Variants in PDE4C observed in about 807,000 individuals in gnomAD.
PDE4C encodes the protein 3',5'-cyclic-AMP phosphodiesterase 4C.
PDE4C carries 50 observed loss-of-function variants against 63.9 expected under a neutral mutation model. The observed-to-expected ratio is 0.78, with a 90% CI of 0.62 to 0.99. PDE4C has a LOEUF of 0.99. Ranked by LOEUF, PDE4C falls within the 50% of genes least tolerant of loss-of-function variation. The probability of loss-of-function intolerance (pLI) is 0.00; values close to 1 mark genes in which losing one functional copy is unlikely to be tolerated. For missense variants in PDE4C, 777 were observed against 899.1 expected (o/e 0.86, Z 1.74); for synonymous variants, 377 against 385.1 (o/e 0.98, Z 0.25).
intron 12 of PDE4C, among the ~76,000 whole-genome samples, chr19:18,215,516 G>A (rs1371795859): frequency 2.6e-5 from 4 of 151,640 alleles, no homozygotes; most frequent in African/African-American, 7.3e-5. Context: ...ATGGATAGAT[G>A]TGTATAATTT....
At chr19:18,244,356 G>A (rs1016652693) in intron 1 of PDE4C, among the ~76,000 whole-genome samples, 2 of 151,116 alleles carry the variant, frequency 1.3e-5, no homozygotes, top group African/African-American at 4.9e-5. Flanking sequence ...GTGCAGTGGC[G>A]CAGTCACAGC....
chr19:18,210,017 CCTTCT>C (rs1967858959), downstream of PDE4C: 1 of 151,030 alleles, frequency 6.6e-6, no homozygotes, highest in African/African-American at 2.4e-5. Flanking sequence ...TCTTTCCTTT[CCTTCT>C]CTTTTCTTTT....
At chr19:18,250,372 C>T, upstream of PDE4C, 1 of 399,166 alleles carries the variant, frequency 2.5e-6, no homozygotes, top group Non-Finnish European at 4.4e-6. Context: ...ATCTCACAGC[C>T]ATGACCACAG....
At chr19:18,227,365 C>T (rs1053731953), upstream of PDE4C, among the ~76,000 whole-genome samples, 5 of 152,158 alleles carry the variant, frequency 3.3e-5, no homozygotes, top group Admixed American at 6.5e-5. Context: ...CCTGCTCTGA[C>T]ATTCCCCAGG....
In PDE4C at chr19:18,210,917, G is replaced by A. The variant is rs777933309; in HGVS notation, c.*12C>T. ...ACCATCCATTGCCCCTGCAGTTCAC[G>A]CAGGGCTGGCCCTAAGTCCTCTGGT... On this transcript the variant is annotated 3_prime_UTR_variant, in exon 15 of 15. Coordinates refer to ENST00000262805, the Ensembl canonical transcript of PDE4C. 2.1e-5 allele frequency: 34 copies of A among 1,583,696 alleles called. No individual in the cohort carries two copies. In the East Asian group the frequency reaches 4.7e-4, roughly 22 times the overall value.
chr19:18,218,198 G>A (rs923800782), exon 11 of PDE4C: 4 of 1,614,106 alleles, frequency 2.5e-6, no homozygotes, highest in African/African-American at 1.3e-5. Flanking sequence ...CCACGTCGTG[G>A]ATGGCGCTTG....
rs760954402 is a variant in PDE4C at position 18,213,491 on chromosome 19, C to G, written c.1390-1G>C. Reference sequence around the variant, plus strand: ...GTTTGGACATGTCTGTGGCCAGCACCTGGGGGCAGGCAAGGGAAGGTGACA... The same window carrying G: ...GTTTGGACATGTCTGTGGCCAGCACGTGGGGGCAGGCAAGGGAAGGTGACA... On this transcript the variant is annotated splice_acceptor_variant, in intron 12 of 14. Transcript: ENST00000262805. LOFTEE classifies it high-confidence loss of function. 4 of 1,610,676 alleles carry G rather than the reference C, an allele frequency of 2.5e-6. 1 individual carries two copies. In the South Asian group the frequency reaches 4.4e-5, roughly 18 times the overall value.
intron 4 of PDE4C, 36 bp downstream of exon 4, chr19:18,221,061 GTCTCTGCC>G: frequency 3.6e-5 from 25 of 691,884 alleles, no homozygotes; most frequent in Non-Finnish European, 4.6e-5. Context: ...CGCCCACCTT[GTCTCTGCC>G]GGCCCCGCCC....
At chr19:18,252,285 G>T (rs546591352), upstream of PDE4C, 10 of 399,062 alleles carry the variant, frequency 2.5e-5, no homozygotes, top group Admixed American at 3.5e-4. Context: ...GCTGGGGCTC[G>T]GCTGGATGGT....
chr19:18,221,071 G>GCCC, intron 4 of PDE4C, 34 bp downstream of exon 4: 2 of 776,480 alleles, frequency 2.6e-6, no homozygotes, highest in Non-Finnish European at 3.6e-6. Flanking sequence ...GTCTCTGCCG[G>GCCC]CCCCGCCCCC....
exon 8 of PDE4C, chr19:18,219,377 G>A (rs200331991): frequency 1.9e-6 from 3 of 1,608,098 alleles, no homozygotes; most frequent in Non-Finnish European, 2.5e-6. Flanking sequence ...ACCTTGGGCA[G>A]CTCCACCTCG....
chr19:18,241,735 A>G (rs1969044753), intron 1 of PDE4C, among the ~76,000 whole-genome samples: 1 of 151,794 alleles, frequency 6.6e-6, no homozygotes. Context: ...TTTTTTGTAG[A>G]GACAGGATCT....
chr19:18,216,123 G>T (rs919173748), intron 12 of PDE4C, among the ~76,000 whole-genome samples: 1 of 150,536 alleles, frequency 6.6e-6, no homozygotes. Context: ...GAGCCACCAC[G>T]CCTGGCCCAG....
At chr19:18,231,084 G>T (rs148683621), upstream of PDE4C, among the ~76,000 whole-genome samples, 20 of 152,346 alleles carry the variant, frequency 1.3e-4, no homozygotes, top group East Asian at 3.9e-3. Context: ...GGACGCCGAG[G>T]CTCCGGGAGG....
chr19:18,210,958 C>T (rs1406784122), exon 15 of PDE4C: 1 of 1,612,658 alleles, frequency 6.2e-7, no homozygotes. Flanking sequence ...AGGGGTAAGT[C>T]CCCAGGGTCT....
chr19:18,252,373 TG>T, upstream of PDE4C: 1 of 399,092 alleles, frequency 2.5e-6, no homozygotes, highest in Non-Finnish European at 4.4e-6. Context: ...GAGTAGGATT[TG>T]GGGGGTTCCC....
At chr19:18,237,872 CAA>C (rs57462449), upstream of PDE4C, among the ~76,000 whole-genome samples, 1,940 of 94,782 alleles carry the variant, frequency 0.02, 23 homozygotes, top group African/African-American at 0.069. Flanking sequence ...GACTCCATCT[CAA>C]AAAAAAAAAA....
At chr19:18,222,975 C>T (rs1486633499) in intron 1 of PDE4C, among the ~76,000 whole-genome samples, 1 of 151,926 alleles carries the variant, frequency 6.6e-6, no homozygotes, top group Non-Finnish European at 1.5e-5. Flanking sequence ...GCTGGGATTA[C>T]AGGAGTGAGC....
chr19:18,247,884 C>G (rs77548366), intron 1 of PDE4C, among the ~76,000 whole-genome samples: 1 of 152,182 alleles, frequency 6.6e-6, no homozygotes, highest in East Asian at 1.9e-4. Context: ...ACACCACAGG[C>G]ACCAGTGTGA....
Sources: allele counts gnomAD v4.1 joint callset (sites outside exome capture counted in the v4.1 genomes callset), GRCh38; gene constraint gnomAD v4.1.1; transcripts MANE v1.5; gene names NCBI Gene and HGNC (gene_info 2026-07-23, HGNC 2026-07-21).